The following PCSK2 variants were observed in gnomAD, a reference collection of about 807,000 sequenced individuals.
PCSK2 encodes neuroendocrine convertase 2.
In PCSK2, 14 loss-of-function variants were observed where a neutral mutation model predicts 69.7. The ratio of observed to expected loss-of-function variants is 0.20; its 90% CI spans 0.13 to 0.31. The LOEUF (loss-of-function observed/expected upper bound fraction) is 0.31. Ranked by LOEUF, PCSK2 falls within the 10% of genes least tolerant of loss-of-function variation. The probability of loss-of-function intolerance (pLI) is 1.00; values close to 1 mark genes in which losing one functional copy is unlikely to be tolerated. For missense variants in PCSK2, 544 were observed against 842.5 expected (o/e 0.65, Z 4.39); for synonymous variants, 307 against 320.7 (o/e 0.96, Z 0.46).
intron 2 of PCSK2, among the ~76,000 whole-genome samples, chr20:17,277,132 G>A (rs1031978151): frequency 2.6e-5 from 4 of 151,982 alleles, no homozygotes; most frequent in Non-Finnish European, 5.9e-5. Context: ...TTGTGAAAAT[G>A]GCCATACTGC....
intron 8 of PCSK2, among the ~76,000 whole-genome samples, chr20:17,449,168 C>A (rs1222972107): frequency 6.6e-6 from 1 of 152,180 alleles, no homozygotes; most frequent in Non-Finnish European, 1.5e-5. Context: ...CAGGCATGAG[C>A]CATCAGGCTG....
At chr20:17,254,340 G>A (rs1041855091) in intron 1 of PCSK2, among the ~76,000 whole-genome samples, 7 of 151,898 alleles carry the variant, frequency 4.6e-5, no homozygotes, top group Admixed American at 6.6e-5. Flanking sequence ...CTTACATTTG[G>A]GACTACTAAT....
At chr20:17,241,139 C>A (rs187091641) in intron 1 of PCSK2, among the ~76,000 whole-genome samples, 1 of 152,250 alleles carries the variant, frequency 6.6e-6, no homozygotes, top group Non-Finnish European at 1.5e-5. Context: ...TGACTGTCAG[C>A]AGAAGGAAAG....
At chr20:17,348,055 GAAAGAAAGAAA>G (rs1568612678) in intron 2 of PCSK2, among the ~76,000 whole-genome samples, 33 of 43,200 alleles carry the variant, frequency 7.6e-4, no homozygotes, top group African/African-American at 2.3e-3. Flanking sequence ...AGAAAGGAAA[GAAAGAAAGAAA>G]GAAAGAAAGA....
At chr20:17,455,351 A>G (rs896040810) in intron 9 of PCSK2, among the ~76,000 whole-genome samples, 1 of 152,182 alleles carries the variant, frequency 6.6e-6, no homozygotes, top group Admixed American at 6.5e-5. Flanking sequence ...ATTTTAATGA[A>G]CACCCTGGCT....
intron 8 of PCSK2, among the ~76,000 whole-genome samples, chr20:17,447,078 C>T (rs967802095): frequency 6.8e-6 from 1 of 147,158 alleles, no homozygotes; most frequent in Admixed American, 6.9e-5. Context: ...CATGGTGAAA[C>T]TCCGTCATCT....
chr20:17,372,161 C>T (rs1022040762), intron 5 of PCSK2, among the ~76,000 whole-genome samples: 2 of 152,018 alleles, frequency 1.3e-5, no homozygotes, highest in Admixed American at 6.6e-5. Flanking sequence ...AGGTGGATCA[C>T]GAGGTCAGGA....
At chr20:17,402,539 T>C (rs898408110) in intron 5 of PCSK2, among the ~76,000 whole-genome samples, 8 of 151,740 alleles carry the variant, frequency 5.3e-5, no homozygotes, top group Admixed American at 3.3e-4. Context: ...GGCACACCTG[T>C]AATCCCAGCT....
chr20:17,279,058 C>G (rs1349777408), intron 2 of PCSK2, among the ~76,000 whole-genome samples: 1 of 152,126 alleles, frequency 6.6e-6, no homozygotes, highest in Non-Finnish European at 1.5e-5. Flanking sequence ...CACCTCTTAC[C>G]CTAGCACTTC....
At chr20:17,380,455 C>T (rs1231210226) in intron 5 of PCSK2, among the ~76,000 whole-genome samples, 1 of 152,176 alleles carries the variant, frequency 6.6e-6, no homozygotes, top group Non-Finnish European at 1.5e-5. Context: ...GGGCCAGCCT[C>T]GCTGAATTCA....
In PCSK2 at chr20:17,409,255, T is replaced by G; in HGVS notation, c.544-8T>G. On this transcript the variant is annotated splice_polypyrimidine_tract_variant and splice_region_variant and intron_variant, in intron 5 of 11. Coordinates refer to ENST00000262545, the MANE Select transcript of PCSK2 (RefSeq NM_002594.5). ...TACGGACCTAATGAGATGCCTTGTGTTTTTCAGAATGCCGAAGCAAGTTAC... is the reference window on the plus strand; with the variant it reads ...TACGGACCTAATGAGATGCCTTGTGGTTTTCAGAATGCCGAAGCAAGTTAC... The G allele has an allele frequency of 6.2e-7, 1 of 1,612,804 alleles. No homozygotes were observed. Among genetic ancestry groups the G allele is most frequent in the Non-Finnish European group, 8.5e-7 (1 of 1,178,832 alleles).
chr20:17,437,030 A>T (rs1222220650), intron 8 of PCSK2, 147 bp downstream of exon 8: 2 of 622,702 alleles, frequency 3.2e-6, no homozygotes, highest in Non-Finnish European at 2.6e-6. Context: ...TTAGCCATGC[A>T]GGAGGCTGAC....
chr20:17,235,890 G>A (rs1020734570), intron 1 of PCSK2, among the ~76,000 whole-genome samples: 2 of 151,986 alleles, frequency 1.3e-5, no homozygotes, highest in East Asian at 1.9e-4. Context: ...CATGAATACC[G>A]TGAGTGGACA....
intron 11 of PCSK2, among the ~76,000 whole-genome samples, chr20:17,480,184 C>CTTTTTTTT (rs1164266992): frequency 1.2e-4 from 9 of 76,982 alleles, no homozygotes; most frequent in African/African-American, 2.9e-4. Context: ...TTCAGCTTTT[C>CTTTTTTTT]TTTTTTTTTT....
At position 17,347,872 on chromosome 20, in the gene PCSK2, A is replaced by AG. The variant is rs2051026891; in HGVS notation, c.283-10455_283-10454insG. Among the ~76,000 whole-genome samples the AG allele has an allele frequency of 3.6e-3, 316 of 88,836 alleles. 28 individuals are homozygous for AG. The highest frequency in any genetic ancestry group is 0.016 in the East Asian group (46 of 2,856). The allele number at this position is 88,836 out of a possible 152,430, so 58.3% of individuals were successfully genotyped here. On this transcript the variant is annotated intron_variant, in intron 2 of 11. Transcript: ENST00000262545. ...AGAAAGAAAGAAAGAGGAGAGAGAA[A>AG]AAAGAAAGAAAGAAAGAAAGAAAGA...
intron 11 of PCSK2, among the ~76,000 whole-genome samples, chr20:17,467,545 C>G (rs370085875): frequency 6.6e-6 from 1 of 152,122 alleles, no homozygotes; most frequent in Non-Finnish European, 1.5e-5. Flanking sequence ...TGACAAAGTC[C>G]GAGGAGGAGC....
In PCSK2 at chr20:17,289,934, T is replaced by A. The variant is rs1281838725; in HGVS notation, c.282+29590T>A. ...TCTCTTTTGTACTCTTTAATGTACA[T>A]CTGATTATTTGCAGAAGATAAATTT... On this transcript the variant is annotated intron_variant, in intron 2 of 11. Coordinates refer to ENST00000262545, the MANE Select transcript of PCSK2 (RefSeq NM_002594.5). 6.6e-5 allele frequency among the ~76,000 whole-genome samples: 10 copies of A among 152,236 alleles called. No individual in the cohort carries two copies. The South Asian group carries it at 8.3e-4, about 13-fold the overall frequency.
intron 2 of PCSK2, among the ~76,000 whole-genome samples, chr20:17,340,584 T>C (rs1990481336): frequency 6.6e-6 from 1 of 152,240 alleles, no homozygotes; most frequent in African/African-American, 2.4e-5. Flanking sequence ...TCAATTTTAC[T>C]GCTTATCTTG....
In PCSK2 at chr20:17,409,259, T is replaced by G; in HGVS notation, c.544-4T>G. On this transcript the variant is annotated splice_polypyrimidine_tract_variant and splice_region_variant and intron_variant, in intron 5 of 11. Transcript: ENST00000262545. ...GACCTAATGAGATGCCTTGTGTTTT[T>G]CAGAATGCCGAAGCAAGTTACGACT... 1 of 1,613,404 alleles carries G rather than the reference T, an allele frequency of 6.2e-7. No individual in the cohort carries two copies. The highest frequency in any genetic ancestry group is 8.5e-7 in the Non-Finnish European group (1 of 1,179,316).
Sources: allele counts gnomAD v4.1 joint callset (sites outside exome capture counted in the v4.1 genomes callset), GRCh38; gene constraint gnomAD v4.1.1; transcripts MANE v1.5; gene names NCBI Gene and HGNC (gene_info 2026-07-23, HGNC 2026-07-21).